The following GALNT17 variants were observed in gnomAD, a reference collection of about 807,000 sequenced individuals.
GALNT17 encodes polypeptide N-acetylgalactosaminyltransferase 17, also known as UDP-GalNAc:polypeptide N-acetylgalactosaminyltransferase-like 3.
A neutral mutation model predicts 63.7 loss-of-function variants in GALNT17; 29 were observed. The observed-to-expected ratio is 0.46, with a 90% confidence interval of 0.34 to 0.62. The LOEUF is 0.62. GALNT17 is among the 20% of genes least tolerant of loss of function. The pLI is 0.01. For missense variants in GALNT17, 603 were observed against 799.6 expected, an observed-to-expected ratio of 0.75 and a Z score of 2.97; for synonymous variants, 305 against 318.3, an observed-to-expected ratio of 0.96 and a Z score of 0.45.
At chr7:71,426,131 A>G (rs1786756598) in intron 5 of GALNT17, among the ~76,000 whole-genome samples, 1 of 152,170 alleles carries the variant, frequency 6.6e-6, no homozygotes, top group Non-Finnish European at 1.5e-5. Flanking sequence ...CCCACCTCCA[A>G]CACTAGGGAT....
In GALNT17 at chr7:71,332,621, A is replaced by G. The variant is rs1324259923; in HGVS notation, c.239-2929A>G. The stretch of plus-strand genomic sequence containing the variant: ...GATAGCCTTTCATCTTGCTGTGAAT[A>G]GAATTGTCTATCATAAGTGTTCTTT... On this transcript the variant is annotated intron_variant, in intron 1 of 10. Coordinates refer to ENST00000333538, the MANE Select transcript of GALNT17 (RefSeq NM_022479.3). 2.6e-5 allele frequency among the ~76,000 whole-genome samples: 4 copies of G among 152,180 alleles called. No individual in the cohort carries two copies. The East Asian group carries it at 7.7e-4, about 29-fold the overall frequency.
chr7:71,349,112 T>C (rs1792145405), intron 2 of GALNT17, among the ~76,000 whole-genome samples: 1 of 152,236 alleles, frequency 6.6e-6, no homozygotes, highest in African/African-American at 2.4e-5. Flanking sequence ...GGATAATCAA[T>C]AGAGGCAAAT....
chr7:71,628,243 C>G (rs1230285039), intron 6 of GALNT17, among the ~76,000 whole-genome samples: 1 of 152,062 alleles, frequency 6.6e-6, no homozygotes, highest in African/African-American at 2.4e-5. Flanking sequence ...AAAAGAGAAA[C>G]AAATGTTAAG....
chr7:71,174,844 A>G (rs1300663327), intron 1 of GALNT17, among the ~76,000 whole-genome samples: 2 of 152,098 alleles, frequency 1.3e-5, no homozygotes, highest in Non-Finnish European at 2.9e-5. Flanking sequence ...CACAGGGGAT[A>G]TGATGGCTTA....
rs551453431 is a variant in GALNT17, at chr7:71,401,598, C to T, written c.589+13197C>T. Reference sequence around the variant, plus strand: ...GTATTTAGAGCCACTCCCCATTGCTCGCGTTACCACCTGAGCTCCATCTCC... The same window carrying T: ...GTATTTAGAGCCACTCCCCATTGCTTGCGTTACCACCTGAGCTCCATCTCC... On this transcript the variant is annotated intron_variant, in intron 3 of 10. Transcript: ENST00000333538. Among the ~76,000 whole-genome samples, 116 of 152,204 alleles carry T rather than the reference C, an allele frequency of 7.6e-4. No homozygotes were observed. The Middle Eastern group carries it at 0.017, about 22-fold the overall frequency.
intron 9 of GALNT17, among the ~76,000 whole-genome samples, chr7:71,679,732 A>G (rs949819067): frequency 1.6e-4 from 24 of 151,994 alleles, no homozygotes; most frequent in African/African-American, 5.6e-4. Flanking sequence ...GCCTGCACCA[A>G]GACTCCAGCC....
chr7:71,579,537 C>A (rs763485691), intron 6 of GALNT17, among the ~76,000 whole-genome samples: 21 of 152,156 alleles, frequency 1.4e-4, no homozygotes, highest in Non-Finnish European at 2.9e-4. Context: ...TTGGGAGGAA[C>A]CTTCTTACGG....
intron 5 of GALNT17, among the ~76,000 whole-genome samples, chr7:71,491,657 G>A (rs1788011311): frequency 6.6e-6 from 1 of 152,154 alleles, no homozygotes; most frequent in African/African-American, 2.4e-5. Context: ...ATCTAAACCA[G>A]CTGTTCTCAA....
chr7:71,213,074 T>C (rs1048194726), intron 1 of GALNT17, among the ~76,000 whole-genome samples: 2 of 152,172 alleles, frequency 1.3e-5, no homozygotes, highest in Non-Finnish European at 2.9e-5. Context: ...GGTTTGGCTG[T>C]GTCCCCACCA....
intron 1 of GALNT17, among the ~76,000 whole-genome samples, chr7:71,190,532 G>A (rs1211737882): frequency 6.6e-6 from 1 of 152,180 alleles, no homozygotes; most frequent in Non-Finnish European, 1.5e-5. Context: ...CTCCAGAAAT[G>A]TGAGCCAATT....
chr7:71,334,457 G>A (rs1377962593), intron 1 of GALNT17, among the ~76,000 whole-genome samples: 2 of 152,084 alleles, frequency 1.3e-5, no homozygotes, highest in African/African-American at 2.4e-5. Flanking sequence ...AAAGTGGTGT[G>A]TGTGTGTGTG....
intron 3 of GALNT17, among the ~76,000 whole-genome samples, chr7:71,396,477 G>A (rs1793141962): frequency 6.6e-6 from 1 of 152,152 alleles, no homozygotes; most frequent in Admixed American, 6.5e-5. Context: ...TTTGATTTAT[G>A]TGTCTATGCT....
At chr7:71,189,210 T>C (rs1383374994) in intron 1 of GALNT17, among the ~76,000 whole-genome samples, 1 of 152,182 alleles carries the variant, frequency 6.6e-6, no homozygotes, top group Non-Finnish European at 1.5e-5. Context: ...AGGAGTTTCC[T>C]TTTTTCTTGG....
intron 1 of GALNT17, among the ~76,000 whole-genome samples, chr7:71,221,671 C>T (rs1189506094): frequency 6.6e-6 from 1 of 152,186 alleles, no homozygotes; most frequent in Non-Finnish European, 1.5e-5. Flanking sequence ...CATGCTTCTG[C>T]AGTGGAGGAA....
chr7:71,296,361 C>T (rs28664785), intron 1 of GALNT17, among the ~76,000 whole-genome samples: 3,404 of 152,190 alleles, frequency 0.022, 108 homozygotes, highest in African/African-American at 0.074. Context: ...CGCCTGTAAT[C>T]CCAGCACTTT....
intron 5 of GALNT17, among the ~76,000 whole-genome samples, chr7:71,558,557 C>T (rs1275939156): frequency 2.6e-5 from 4 of 152,098 alleles, no homozygotes; most frequent in African/African-American, 9.7e-5. Flanking sequence ...AATGTTCACT[C>T]AACCATGTCT....
intron 2 of GALNT17, among the ~76,000 whole-genome samples, chr7:71,338,058 G>A (rs1791941865): frequency 6.6e-6 from 1 of 151,528 alleles, no homozygotes; most frequent in South Asian, 2.1e-4. Flanking sequence ...AAATTGCGAG[G>A]TGCGGTGGCC....
At position 71,280,448 on chromosome 7, in the gene GALNT17, CAG is replaced by C. The variant is rs564298663; in HGVS notation, c.239-55101_239-55100del. ...TTTCCACCTTCACCAAGAGAGGAATCAGGGGATGAGGGTAGGCGTGAAAAAGA... is the reference window on the plus strand; with the variant it reads ...TTTCCACCTTCACCAAGAGAGGAATCGGGATGAGGGTAGGCGTGAAAAAGA... On this transcript the variant is annotated intron_variant, in intron 1 of 10. Transcript: ENST00000333538. Among the ~76,000 whole-genome samples, 12 of 152,230 alleles carry C rather than the reference CAG, an allele frequency of 7.9e-5. No individual in the cohort carries two copies. The South Asian group carries it at 2.1e-3, about 26-fold the overall frequency.
chr7:71,262,087 T>C (rs1283691527), intron 1 of GALNT17, among the ~76,000 whole-genome samples: 1 of 152,046 alleles, frequency 6.6e-6, no homozygotes, highest in Non-Finnish European at 1.5e-5. Flanking sequence ...AATTGCCCTG[T>C]TGGTTTCTTC....
Sources: allele counts gnomAD v4.1 joint callset (sites outside exome capture counted in the v4.1 genomes callset), GRCh38; gene constraint gnomAD v4.1.1; transcripts MANE v1.5; gene names NCBI Gene and HGNC (gene_info 2026-07-23, HGNC 2026-07-21).